RAB38: variants seen among roughly 807,000 people sequenced by gnomAD.
RAB38 encodes the protein ras-related protein Rab-38.
In RAB38, 15 loss-of-function variants were observed where a neutral mutation model predicts 18.4. The ratio of observed to expected loss-of-function variants is 0.82; its 90% CI spans 0.55 to 1.26. The LOEUF (loss-of-function observed/expected upper bound fraction) is 1.26, where lower values mean the gene tolerates loss of function less well. Ranked by LOEUF, RAB38 falls within the 50% of genes most tolerant of loss-of-function variation. RAB38 has a pLI of 0.00. For synonymous variants in RAB38, 101 were observed against 104.4 expected (o/e 0.97, Z 0.20); for missense variants, 294 against 267.4 (o/e 1.10, Z -0.69).
At chr11:88,159,738 C>T (rs1265543798) in intron 1 of RAB38, among the ~76,000 whole-genome samples, 3 of 151,946 alleles carry the variant, frequency 2.0e-5, no homozygotes, top group African/African-American at 7.2e-5. Context: ...AAAGGACACC[C>T]TATTCAATAA....
chr11:87,846,244 A>T, the RAB38 span, among the ~76,000 whole-genome samples: 1 of 152,198 alleles, frequency 6.6e-6, no homozygotes, highest in Non-Finnish European at 1.5e-5. Flanking sequence ...AGATCCAACT[A>T]TACCAATAAT....
At chr11:87,839,132 T>G in the RAB38 span, among the ~76,000 whole-genome samples, 9,008 of 152,262 alleles carry the variant, frequency 0.059, 372 homozygotes, top group Non-Finnish European at 0.084. Flanking sequence ...TATTTAATGG[T>G]TTTTATACAT....
intron 2 of RAB38, among the ~76,000 whole-genome samples, chr11:88,122,557 T>C (rs1047932037): frequency 2.0e-5 from 3 of 152,224 alleles, no homozygotes; most frequent in African/African-American, 7.2e-5. Flanking sequence ...ACTTTATTAT[T>C]GAACACTTAG....
chr11:87,933,760 G>A, the RAB38 span, among the ~76,000 whole-genome samples: 3 of 151,612 alleles, frequency 2.0e-5, no homozygotes, highest in Non-Finnish European at 2.9e-5. Flanking sequence ...ATGGCAAGAC[G>A]GGAAGTCCTA....
intron 1 of RAB38, chr11:88,173,449 C>T (rs185708195): frequency 2.6e-4 from 224 of 848,778 alleles, no homozygotes; most frequent in Non-Finnish European, 3.0e-4. Context: ...AAGTAAGGAT[C>T]CAGATGGAGG....
At chr11:88,163,539 C>T (rs1308940619) in intron 1 of RAB38, among the ~76,000 whole-genome samples, 2 of 152,080 alleles carry the variant, frequency 1.3e-5, no homozygotes, top group Non-Finnish European at 2.9e-5. Flanking sequence ...TAGTTATCAT[C>T]TCTTAAAGGC....
the RAB38 span, among the ~76,000 whole-genome samples, chr11:87,805,414 G>A: frequency 6.6e-6 from 1 of 151,070 alleles, no homozygotes; most frequent in Non-Finnish European, 1.5e-5. Context: ...TTTTCCTGAT[G>A]GCTAAATGCT....
chr11:87,956,465 C>T, the RAB38 span, among the ~76,000 whole-genome samples: 6 of 152,130 alleles, frequency 3.9e-5, no homozygotes, highest in Admixed American at 2.0e-4. Flanking sequence ...TTAGCACAGG[C>T]TTCTATCACC....
At chr11:88,013,196 C>T in the RAB38 span, among the ~76,000 whole-genome samples, 18 of 136,740 alleles carry the variant, frequency 1.3e-4, no homozygotes, top group Middle Eastern at 0.015. Flanking sequence ...GTTATCTAAT[C>T]TCAGATACCT....
chr11:87,861,475 G>A, the RAB38 span, among the ~76,000 whole-genome samples: 1 of 151,820 alleles, frequency 6.6e-6, no homozygotes, highest in African/African-American at 2.4e-5. Context: ...TCAAAGCAAT[G>A]GCTACCAACA....
the RAB38 span, among the ~76,000 whole-genome samples, chr11:87,887,357 A>G: frequency 6.6e-6 from 1 of 152,000 alleles, no homozygotes; most frequent in African/African-American, 2.4e-5. Flanking sequence ...TGGCCAAAAC[A>G]GGAATTTGTT....
intron 1 of RAB38, among the ~76,000 whole-genome samples, chr11:88,169,473 A>G (rs1943283141): frequency 6.6e-6 from 1 of 152,198 alleles, no homozygotes; most frequent in Non-Finnish European, 1.5e-5. Context: ...TAGGTGAGAT[A>G]TTGTAGAGGA....
At chr11:88,170,922 C>T (rs779592722) in intron 1 of RAB38, among the ~76,000 whole-genome samples, 1 of 152,134 alleles carries the variant, frequency 6.6e-6, no homozygotes, top group Non-Finnish European at 1.5e-5. Flanking sequence ...TACAAGTAAG[C>T]TGAAGCTAAA....
Position 88,149,684 on chromosome 11 carries a change from T to A in RAB38, c.474A>T (p.Thr158=), listed in dbSNP as rs773331157. ...TTTAAAGTCACATTACCTTTGCTGA[T>A]GTTTCAAACCATCCTACGAAACCGT... The part of the protein sequence containing the change: ...KEHGFVGWFE[T]SAKENINIDE... The change falls in exon 2 of 3, where the codon ACA becomes ACT. Residue 158 remains threonine (T), a synonymous_variant. Coordinates refer to ENST00000243662, the MANE Select transcript of RAB38 (RefSeq NM_022337.3). The A allele has an allele frequency of 1.2e-5, 19 of 1,608,568 alleles. No individual in the cohort carries two copies. The highest frequency in any genetic ancestry group is 1.6e-5 in the Non-Finnish European group (19 of 1,175,744).
chr11:87,816,307 T>A, the RAB38 span: 2 of 152,406 alleles, frequency 1.3e-5, no homozygotes, highest in Non-Finnish European at 2.9e-5. Flanking sequence ...TTTGTGGGGG[T>A]CTAGTGTTAA....
At chr11:87,936,734 AG>A in the RAB38 span, among the ~76,000 whole-genome samples, 2 of 152,152 alleles carry the variant, frequency 1.3e-5, no homozygotes, top group Non-Finnish European at 2.9e-5. Context: ...GGATTGTGGT[AG>A]AAATTACATT....
chr11:87,888,527 C>T, the RAB38 span, among the ~76,000 whole-genome samples: 3 of 151,840 alleles, frequency 2.0e-5, no homozygotes, highest in Non-Finnish European at 4.4e-5. Flanking sequence ...AAAGATAATC[C>T]GTGCCTTGAA....
intron 1 of RAB38, among the ~76,000 whole-genome samples, chr11:88,172,835 T>C (rs567698552): frequency 2.8e-4 from 43 of 152,332 alleles, no homozygotes; most frequent in African/African-American, 1.0e-3. Context: ...CCCAATTCAC[T>C]GTGCCTGCTG....
the RAB38 span, among the ~76,000 whole-genome samples, chr11:87,893,371 C>CATATATATATATGTATATATATATAT: frequency 3.5e-4 from 30 of 86,404 alleles, no homozygotes; most frequent in African/African-American, 1.2e-3. Context: ...ATATATTTTA[C>CATATATATATATGTATATATATATAT]ATATATATAT....
Sources: gnomAD v4.1 joint callset for allele counts (sites outside exome capture counted in the v4.1 genomes callset) on GRCh38, gnomAD v4.1.1 for gene constraint, MANE v1.5 for transcripts, NCBI Gene and HGNC (gene_info 2026-07-23, HGNC 2026-07-21) for gene names.